Variants in SORCS1 observed in about 807,000 individuals in gnomAD.
SORCS1 encodes the protein sortilin related VPS10 domain containing receptor 1.
A neutral mutation model predicts 146.1 loss-of-function variants in SORCS1; 60 were observed. The observed-to-expected ratio is 0.41, with a 90% confidence interval of 0.33 to 0.51. The LOEUF (loss-of-function observed/expected upper bound fraction) is 0.51, where lower values mean the gene tolerates loss of function less well. Ranked by LOEUF, SORCS1 falls within the 20% of genes least tolerant of loss-of-function variation. The pLI, the probability that SORCS1 is intolerant of heterozygous loss-of-function variation, is 0.21. For synonymous variants in SORCS1, 637 were observed against 584.0 expected (o/e 1.09, Z -1.31); for missense variants, 1,352 against 1,487.6 (o/e 0.91, Z 1.50).
intron 1 of SORCS1, among the ~76,000 whole-genome samples, chr10:106,977,589 A>ATT (rs35526585): frequency 0.2 from 26,189 of 133,196 alleles, 2,714 homozygotes; most frequent in Middle Eastern, 0.25. Context: ...CATTCATTGG[A>ATT]TTTTTTTTTT....
In SORCS1 at chr10:106,859,923, C is replaced by T. The variant is rs189135503; in HGVS notation, c.627-30250G>A. ...CACCATTTAGCTGCTTCTTACAATC[C>T]AGAAGGTGCTCAGTGTTGCTAGGTT... On this transcript the variant is annotated intron_variant, in intron 2 of 25. Transcript: ENST00000263054. 1.1e-4 allele frequency among the ~76,000 whole-genome samples: 17 copies of T among 152,306 alleles called. No individual in the cohort carries two copies. The East Asian group carries it at 3.3e-3, about 29-fold the overall frequency.
At chr10:106,696,907 G>A (rs1366306474) in intron 9 of SORCS1, among the ~76,000 whole-genome samples, 1 of 152,132 alleles carries the variant, frequency 6.6e-6, no homozygotes. Context: ...GAGGGAAGAG[G>A]ATAATCAGGA....
At chr10:106,971,830 G>C (rs1429041426) in intron 1 of SORCS1, among the ~76,000 whole-genome samples, 3 of 151,998 alleles carry the variant, frequency 2.0e-5, no homozygotes, top group Non-Finnish European at 4.4e-5. Flanking sequence ...AATATAACAG[G>C]GTGCAGATTT....
chr10:107,147,034 A>G (rs1185520632), intron 1 of SORCS1, among the ~76,000 whole-genome samples: 1 of 152,104 alleles, frequency 6.6e-6, no homozygotes, highest in Non-Finnish European at 1.5e-5. Context: ...CCAACCCCTA[A>G]GTCCTTACCT....
intron 1 of SORCS1, among the ~76,000 whole-genome samples, chr10:107,135,243 C>A (rs1302837376): frequency 1.3e-5 from 2 of 152,160 alleles, no homozygotes; most frequent in Non-Finnish European, 2.9e-5. Context: ...CACATATGTG[C>A]CTCTCTCCCC....
chr10:107,074,866 A>G (rs1962749658), intron 1 of SORCS1, among the ~76,000 whole-genome samples: 1 of 152,094 alleles, frequency 6.6e-6, no homozygotes. Flanking sequence ...ATATCTGTTA[A>G]GTTCTTATTG....
intron 1 of SORCS1, among the ~76,000 whole-genome samples, chr10:107,022,505 G>C (rs1267505924): frequency 6.6e-6 from 1 of 151,938 alleles, no homozygotes; most frequent in Non-Finnish European, 1.5e-5. Context: ...AGATCCTTAA[G>C]GCAAGCTCCT....
At chr10:106,825,659 T>C (rs1231734824) in intron 3 of SORCS1, among the ~76,000 whole-genome samples, 1 of 152,024 alleles carries the variant, frequency 6.6e-6, no homozygotes, top group African/African-American at 2.4e-5. Context: ...ACAGGTTAAA[T>C]CATCTTTTCT....
chr10:106,587,238 A>T (rs1845297916), intron 24 of SORCS1, among the ~76,000 whole-genome samples: 2 of 152,216 alleles, frequency 1.3e-5, no homozygotes, highest in Non-Finnish European at 2.9e-5. Context: ...AGACTTGTAA[A>T]TGATTACTAT....
In SORCS1 at chr10:107,081,854, G is replaced by T. The variant is rs546733683; in HGVS notation, c.558+82115C>A. 2.3e-3 allele frequency among the ~76,000 whole-genome samples: 349 copies of T among 152,226 alleles called. 2 individuals carry two copies. Among genetic ancestry groups the T allele is most frequent in the Middle Eastern group, 0.01 (3 of 294 alleles). On this transcript the variant is annotated intron_variant, in intron 1 of 25. Transcript: ENST00000263054. Reference sequence around the variant, plus strand: ...AAAACCACAGAGAAGAATTCACAAAGGAAACCATTGCTGTGAGCTACATGA... The same window carrying T: ...AAAACCACAGAGAAGAATTCACAAATGAAACCATTGCTGTGAGCTACATGA...
chr10:107,103,650 A>C (rs1391384064), intron 1 of SORCS1, among the ~76,000 whole-genome samples: 4 of 152,302 alleles, frequency 2.6e-5, no homozygotes, highest in African/African-American at 9.6e-5. Flanking sequence ...AGAAATACAG[A>C]GATCTCCTTT....
intron 23 of SORCS1, 78 bp downstream of exon 23, chr10:106,607,088 T>G (rs1846652768): frequency 6.4e-7 from 1 of 1,560,742 alleles, no homozygotes; most frequent in Admixed American, 1.9e-5. Context: ...AGTTTATGGG[T>G]CAGAAATGGA....
At chr10:107,096,168 G>C (rs1426826427) in intron 1 of SORCS1, among the ~76,000 whole-genome samples, 3 of 152,228 alleles carry the variant, frequency 2.0e-5, no homozygotes, top group Admixed American at 6.5e-5. Context: ...CTTAAATGCA[G>C]ATAATATATG....
At chr10:106,738,163 G>A (rs1030144606) in intron 5 of SORCS1, among the ~76,000 whole-genome samples, 36 of 152,122 alleles carry the variant, frequency 2.4e-4, no homozygotes, top group Non-Finnish European at 4.9e-4. Flanking sequence ...AGTCACTTTT[G>A]GTAGAGTTTG....
chr10:106,883,965 C>T (rs1374429510), intron 2 of SORCS1, among the ~76,000 whole-genome samples: 1 of 152,116 alleles, frequency 6.6e-6, no homozygotes, highest in African/African-American at 2.4e-5. Context: ...GAGTTCTGAG[C>T]CAATAGATTG....
chr10:106,663,908 C>T (rs888861348), intron 17 of SORCS1, among the ~76,000 whole-genome samples: 1 of 152,208 alleles, frequency 6.6e-6, no homozygotes, highest in Non-Finnish European at 1.5e-5. Context: ...TTCACTCCTC[C>T]ACCTGTGAGC....
intron 9 of SORCS1, among the ~76,000 whole-genome samples, chr10:106,690,704 T>A (rs1361048340): frequency 6.6e-6 from 1 of 152,214 alleles, no homozygotes; most frequent in Non-Finnish European, 1.5e-5. Context: ...TTATTGCTTA[T>A]TTTCCTCTTG....
intron 25 of SORCS1, chr10:106,577,995 G>C (rs1844669727): frequency 6.5e-6 from 1 of 154,284 alleles, no homozygotes; most frequent in African/African-American, 2.4e-5. Flanking sequence ...ATTTAAAGAG[G>C]GTTATGTTTC....
intron 3 of SORCS1, among the ~76,000 whole-genome samples, chr10:106,825,023 T>C (rs1475068828): frequency 2.0e-5 from 3 of 152,194 alleles, no homozygotes; most frequent in African/African-American, 7.2e-5. Flanking sequence ...AATTGGCTTT[T>C]CCAAGTAAAA....
Sources: allele counts gnomAD v4.1 joint callset (sites outside exome capture counted in the v4.1 genomes callset), GRCh38; gene constraint gnomAD v4.1.1; transcripts MANE v1.5; gene names NCBI Gene and HGNC (gene_info 2026-07-23, HGNC 2026-07-21).